DPYD: variants seen among roughly 807,000 people sequenced by gnomAD.
The protein encoded by DPYD is dihydropyrimidine dehydrogenase [NADP(+)].
Under a neutral mutation model 116.2 loss-of-function variants are expected in DPYD, and 109 were observed. That is an observed-to-expected ratio of 0.94 (90% CI 0.80 to 1.10). DPYD has a LOEUF of 1.10. Ranked by LOEUF, DPYD falls within the 50% of genes least tolerant of loss-of-function variation. The pLI is 0.00. For missense variants in DPYD, 1,302 were observed against 1,254.5 expected, an observed-to-expected ratio of 1.04 and a Z score of -0.57; for synonymous variants, 440 against 432.0, an observed-to-expected ratio of 1.02 and a Z score of -0.23.
chr1:97,375,877 C>T (rs1290712393), intron 15 of DPYD, among the ~76,000 whole-genome samples: 2 of 152,182 alleles, frequency 1.3e-5, no homozygotes, highest in African/African-American at 4.8e-5. Context: ...CAGCAATTAA[C>T]AGCAAATCAA....
At chr1:97,572,182 T>C (rs1163485738) in intron 11 of DPYD, among the ~76,000 whole-genome samples, 1 of 151,970 alleles carries the variant, frequency 6.6e-6, no homozygotes, top group East Asian at 1.9e-4. Flanking sequence ...ATATACACAG[T>C]AAATTCTGGA....
intron 8 of DPYD, among the ~76,000 whole-genome samples, chr1:97,662,048 G>A (rs985880928): frequency 7.1e-6 from 1 of 140,482 alleles, no homozygotes; most frequent in Non-Finnish European, 1.5e-5. Context: ...AGGCTGGAGT[G>A]CAGTGGCATG....
intron 21 of DPYD, among the ~76,000 whole-genome samples, chr1:97,086,500 T>C (rs290806): frequency 0.95 from 144,020 of 152,156 alleles, 68,480 homozygotes; most frequent in East Asian, 1. Flanking sequence ...TTAGTTTTGG[T>C]CTATTTTTAA....
chr1:97,765,868 A>C (rs1449545940), intron 3 of DPYD, among the ~76,000 whole-genome samples: 2 of 152,216 alleles, frequency 1.3e-5, no homozygotes, highest in Non-Finnish European at 2.9e-5. Context: ...AAAGACGATA[A>C]GTGAACTATT....
At chr1:97,669,679 T>A (rs189472955) in intron 8 of DPYD, among the ~76,000 whole-genome samples, 34 of 152,266 alleles carry the variant, frequency 2.2e-4, no homozygotes, top group Non-Finnish European at 4.1e-4. Context: ...ATCACTTTAA[T>A]CCTGCTAACG....
chr1:97,770,234 TAA>T (rs1170145392), intron 3 of DPYD, among the ~76,000 whole-genome samples: 2 of 151,914 alleles, frequency 1.3e-5, no homozygotes. Flanking sequence ...AATTAATTCA[TAA>T]AAGTCTTATT....
At chr1:97,138,447 C>G (rs1653965783) in intron 20 of DPYD, among the ~76,000 whole-genome samples, 1 of 152,042 alleles carries the variant, frequency 6.6e-6, no homozygotes, top group Non-Finnish European at 1.5e-5. Flanking sequence ...GGTAGTATTG[C>G]TCTTAAGCAG....
intron 2 of DPYD, among the ~76,000 whole-genome samples, chr1:97,869,979 A>G (rs1270316237): frequency 6.6e-6 from 1 of 151,866 alleles, no homozygotes; most frequent in African/African-American, 2.4e-5. Flanking sequence ...GCCACTGAAC[A>G]TAAGAGGTTA....
chr1:97,321,395 A>AC lies in DPYD; in HGVS notation c.2059-15099_2059-15098insG, dbSNP rs778616816. The stretch of plus-strand genomic sequence containing the variant: ...ACTCAAACAAATTTACAAGAAAAAA[A>AC]AAACAGCCCCATCAAAAAGTGGGCG... On this transcript the variant is annotated intron_variant, in intron 16 of 22. Coordinates refer to ENST00000370192, the MANE Select transcript of DPYD (RefSeq NM_000110.4). Among the ~76,000 whole-genome samples the AC allele has an allele frequency of 8.3e-3, 41 of 4,938 alleles. 4 individuals carry two copies. The highest frequency in any genetic ancestry group is 0.5 in the East Asian group (1 of 2). 3.2% of individuals were successfully genotyped at this position (4,938 alleles called of 152,430 possible). A position where few individuals can be genotyped will look rare whatever the true frequency, so the allele number is the denominator to read the frequency against.
chr1:97,220,764 T>G (rs553519004), intron 19 of DPYD, among the ~76,000 whole-genome samples: 2 of 152,318 alleles, frequency 1.3e-5, no homozygotes, highest in South Asian at 2.1e-4. Context: ...TTTGCCATGG[T>G]TGTCTCCACT....
intron 7 of DPYD, among the ~76,000 whole-genome samples, chr1:97,682,917 T>C (rs1157013569): frequency 1.3e-5 from 2 of 152,118 alleles, no homozygotes; most frequent in Non-Finnish European, 2.9e-5. Flanking sequence ...CCAGCAGTTC[T>C]GAATGTCATA....
chr1:97,201,341 A>T (rs1405259276), intron 19 of DPYD, among the ~76,000 whole-genome samples: 1 of 152,072 alleles, frequency 6.6e-6, no homozygotes, highest in Non-Finnish European at 1.5e-5. Context: ...AAAAAATCAG[A>T]TTTTCTGAAG....
chr1:97,545,903 C>A, intron 12 of DPYD: 3 of 1,075,066 alleles, frequency 2.8e-6, no homozygotes, highest in South Asian at 1.2e-5. Context: ...AAAATTTAAA[C>A]TATCCAGGAT....
In DPYD at chr1:97,558,236, G is replaced by A. The variant is rs1651890622; in HGVS notation, c.1340-8492C>T. ...TAGGCACTATGTGACTTTATTTCAA[G>A]TATTTGTTTTACCTCTACTACTCCT... On this transcript the variant is annotated intron_variant, in intron 11 of 22. Coordinates refer to ENST00000370192, the MANE Select transcript of DPYD (RefSeq NM_000110.4). 3.9e-5 allele frequency among the ~76,000 whole-genome samples: 6 copies of A among 151,914 alleles called. No individual in the cohort carries two copies. In the South Asian group the frequency reaches 1.0e-3, roughly 26 times the overall value.
chr1:97,623,603 A>T (rs930596813), intron 8 of DPYD, among the ~76,000 whole-genome samples: 2 of 151,950 alleles, frequency 1.3e-5, no homozygotes, highest in Non-Finnish European at 2.9e-5. Flanking sequence ...TCCAACTTTA[A>T]TTTTCATAGA....
chr1:97,159,361 A>G (rs1350510882), intron 20 of DPYD, among the ~76,000 whole-genome samples: 1 of 152,096 alleles, frequency 6.6e-6, no homozygotes. Context: ...TTGAACATGG[A>G]TAAATAGAAA....
intron 19 of DPYD, among the ~76,000 whole-genome samples, chr1:97,221,797 C>T (rs948172421): frequency 3.3e-5 from 5 of 152,026 alleles, no homozygotes; most frequent in African/African-American, 1.2e-4. Flanking sequence ...AGAAAAAAGA[C>T]TCATGACTTT....
At chr1:97,429,485 T>C (rs1270918517) in intron 14 of DPYD, among the ~76,000 whole-genome samples, 1 of 152,088 alleles carries the variant, frequency 6.6e-6, no homozygotes, top group Admixed American at 6.6e-5. Flanking sequence ...GAAATATGAT[T>C]AGGTATATGG....
chr1:97,373,538 G>A lies in DPYD; in HGVS notation c.2058+23C>T, dbSNP rs1324095275. 1.9e-6 allele frequency: 3 copies of A among 1,603,494 alleles called. No individual in the cohort carries two copies. In the African/African-American group the frequency reaches 4.0e-5, roughly 21 times the overall value. ...CTGTTATGTCACACTGACATACTTAGTGGCAGCTGTCAAGGTCCTTACCTG... is the reference window on the plus strand; with the variant it reads ...CTGTTATGTCACACTGACATACTTAATGGCAGCTGTCAAGGTCCTTACCTG... On this transcript the variant is annotated intron_variant, in intron 16 of 22. Transcript: ENST00000370192.
Sources: gnomAD v4.1 joint callset for allele counts (sites outside exome capture counted in the v4.1 genomes callset) on GRCh38, gnomAD v4.1.1 for gene constraint, MANE v1.5 for transcripts, NCBI Gene and HGNC (gene_info 2026-07-23, HGNC 2026-07-21) for gene names.